The following OR1D2 variants were observed in gnomAD, a reference collection of about 807,000 sequenced individuals.
OR1D2 encodes the protein olfactory receptor family 1 subfamily D member 2, also known as olfactory receptor 1D2.
For synonymous variants in OR1D2, 157 were observed against 153.9 expected (o/e 1.02, Z -0.15); for missense variants, 357 against 376.1 (o/e 0.95, Z 0.42).
rs746378475 is a variant in OR1D2, at chr17:3,092,433, T to C, written c.564A>G (p.Ala188=). Residue 188 remains alanine (A), a synonymous_variant, in exon 2 of 2, where the codon GCA becomes GCG. Transcript: ENST00000641833. ...TGTGATTAATCTGAATGTTGGAACA[T>C]GCCATCCTCAGCAATACATACATCT... ...FCEMYVLLRM[A]CSNIQINHTV... 100 of 1,614,060 alleles carry C rather than the reference T, an allele frequency of 6.2e-5. No individual in the cohort carries two copies. The highest frequency in any genetic ancestry group is 8.3e-5 in the Non-Finnish European group (98 of 1,180,032).
intron 1 of OR1D2, among the ~76,000 whole-genome samples, chr17:3,098,515 G>T (rs1349936529): frequency 6.6e-6 from 1 of 152,062 alleles, no homozygotes; most frequent in Non-Finnish European, 1.5e-5. Context: ...CCCATCCAAG[G>T]GGCGGCAGCC....
chr17:3,099,518 T>C (rs945052071), intron 1 of OR1D2, among the ~76,000 whole-genome samples: 2 of 152,124 alleles, frequency 1.3e-5, no homozygotes. Flanking sequence ...CAAGAGTTCC[T>C]GAAGGAAGCA....
At chr17:3,099,446 A>T (rs1203618637) in intron 1 of OR1D2, among the ~76,000 whole-genome samples, 1 of 152,178 alleles carries the variant, frequency 6.6e-6, no homozygotes, top group Non-Finnish European at 1.5e-5. Context: ...AGTGAAGGAG[A>T]AATAAAATTG....
intron 1 of OR1D2, among the ~76,000 whole-genome samples, chr17:3,103,706 G>T (rs951228654): frequency 2.0e-5 from 3 of 152,152 alleles, no homozygotes; most frequent in African/African-American, 4.8e-5. Flanking sequence ...TGTTGCTGGG[G>T]TGTGAGGGGG....
Position 3,091,948 on chromosome 17 carries a change from T to C in OR1D2, c.*110A>G. On this transcript the variant is annotated 3_prime_UTR_variant, in exon 2 of 2. Transcript: ENST00000641833. ...TCACCACATATCTATATGCTGTCTCTGAGCTGGAGCCATGTCCCAATCACT... is the reference window on the plus strand; with the variant it reads ...TCACCACATATCTATATGCTGTCTCCGAGCTGGAGCCATGTCCCAATCACT... 1.2e-6 allele frequency: 1 copy of C among 816,750 alleles called. No homozygotes were observed. The allele number at this position is 816,750 out of a possible 1,614,324, so 50.6% of individuals were successfully genotyped here. A position where few individuals can be genotyped will look rare whatever the true frequency, so the allele number is the denominator to read the frequency against.
At chr17:3,099,958 T>A (rs937064015) in intron 1 of OR1D2, among the ~76,000 whole-genome samples, 2 of 152,060 alleles carry the variant, frequency 1.3e-5, no homozygotes, top group Admixed American at 1.3e-4. Flanking sequence ...GGTATAGAGA[T>A]CAATGCAACA....
At chr17:3,093,926 G>A (rs1011340720) in intron 1 of OR1D2, among the ~76,000 whole-genome samples, 3 of 152,108 alleles carry the variant, frequency 2.0e-5, no homozygotes, top group African/African-American at 7.2e-5. Flanking sequence ...ATTATAACAG[G>A]GTTTTGGAGA....
chr17:3,104,290 T>TA lies in OR1D2; in HGVS notation c.-243dup, dbSNP rs1241303389. The TA allele has an allele frequency of 1.3e-5, 2 of 152,102 alleles. No homozygotes were observed. Among genetic ancestry groups the TA allele is most frequent in the African/African-American group, 4.8e-5 (2 of 41,412 alleles). The allele number at this position is 152,102 out of a possible 1,614,324, so 9.4% of individuals were successfully genotyped here. On this transcript the variant is annotated 5_prime_UTR_variant, in exon 1 of 2. It removes the in-frame stop codon of an upstream open reading frame in the 5' UTR. Transcript: ENST00000641833. ...TTGTTGCCTGGGTCTTCAGCTTCTG[T>TA]AAAAAAGGAGACAGGATTTCAGGCT...
At position 3,091,192 on chromosome 17, in the gene OR1D2, T is replaced by G. The variant is rs557467065; in HGVS notation, c.*866A>C. 7.9e-4 allele frequency: 120 copies of G among 152,364 alleles called. No individual in the cohort carries two copies. Among genetic ancestry groups the G allele is most frequent in the African/African-American group, 2.6e-3 (109 of 41,590 alleles). 9.4% of individuals were successfully genotyped at this position (152,364 alleles called of 1,614,324 possible). A position where few individuals can be genotyped will look rare whatever the true frequency, so the allele number is the denominator to read the frequency against. ...TGGATGGTTGATAAATTAGTCTGTA[T>G]GTTGGTGGATGAGAGATACAACTGT... On this transcript the variant is annotated 3_prime_UTR_variant, in exon 2 of 2. Transcript: ENST00000641833.
intron 1 of OR1D2, among the ~76,000 whole-genome samples, chr17:3,101,017 G>C (rs1371983109): frequency 6.6e-6 from 1 of 152,132 alleles, no homozygotes; most frequent in African/African-American, 2.4e-5. Flanking sequence ...TTCTGAAATT[G>C]AGGCAGTAAT....
At chr17:3,098,983 A>C (rs2047862102) in intron 1 of OR1D2, among the ~76,000 whole-genome samples, 1 of 152,150 alleles carries the variant, frequency 6.6e-6, no homozygotes, top group Non-Finnish European at 1.5e-5. Context: ...TTAGAGAAAA[A>C]AGAATGAAAA....
rs763996843 is a variant in OR1D2, at chr17:3,092,583, A to G, written c.414T>C (p.Pro138=). 3 of 1,614,162 alleles carry G rather than the reference A, an allele frequency of 1.9e-6. No homozygotes were observed. The highest frequency in any genetic ancestry group is 2.5e-6 in the Non-Finnish European group (3 of 1,180,016). The change falls in exon 2 of 2, where the codon CCT becomes CCC. Residue 138 remains proline (P), a synonymous_variant. Transcript: ENST00000641833. ...CPLHYTTAMS[P]KLCILLLSLC... is the part of the protein sequence containing the mutation. ...AGGAAAGGAGTAAGATACAGAGCTT[A>G]GGGCTCATGGCTGTGGTGTAGTGGA...
chr17:3,098,015 C>T (rs2047855025), intron 1 of OR1D2, among the ~76,000 whole-genome samples: 1 of 152,172 alleles, frequency 6.6e-6, no homozygotes, highest in African/African-American at 2.4e-5. Context: ...GGACAGTACC[C>T]TGATCTCCCT....
rs766275528 is a variant in OR1D2 at position 3,092,261 on chromosome 17, C to T, written c.736G>A (p.Gly246Ser). The T allele has an allele frequency of 4.3e-5, 69 of 1,613,948 alleles. 1 individual carries two copies. Among genetic ancestry groups the T allele is most frequent in the Admixed American group, 1.3e-4 (8 of 59,986 alleles). ...KAFSTCASHL[G>S]AVSLFYGTLC... is the part of the protein sequence containing the mutation. ...GTCCCATAGAAGAGGGAGACTGCAC[C>T]CAAATGGGAGGCACAGGTGGAGAAG... Residue 246 changes from glycine to serine, a missense_variant, in exon 2 of 2, where the codon GGT (glycine) becomes AGT (serine). Gly to Ser is a moderately conservative substitution (Grantham distance 56, BLOSUM62 0). Coordinates refer to ENST00000641833, the MANE Select transcript of OR1D2 (RefSeq NM_002548.3).
chr17:3,095,968 T>C (rs1339150091), intron 1 of OR1D2, among the ~76,000 whole-genome samples: 1 of 152,102 alleles, frequency 6.6e-6, no homozygotes, highest in African/African-American at 2.4e-5. Flanking sequence ...ATAATAGAAT[T>C]ATATAGAAAT....
At position 3,092,112 on chromosome 17, in the gene OR1D2, G is replaced by A. The variant is rs1429117073; in HGVS notation, c.885C>T (p.Asp295=). 1.2e-6 allele frequency: 2 copies of A among 1,614,024 alleles called. No individual in the cohort carries two copies. Among genetic ancestry groups the A allele is most frequent in the African/African-American group, 1.3e-5 (1 of 75,018 alleles). The part of the protein sequence containing the change: ...NPFIYSLRNK[D]MHGALGRLLD... ...GGAGTCTTCCCAGAGCCCCATGCAT[G>A]TCCTTGTTCCTCAGGCTGTAGATGA... Residue 295 remains aspartate, a synonymous_variant, in exon 2 of 2, where the codon GAC becomes GAT. Coordinates refer to ENST00000641833, the MANE Select transcript of OR1D2 (RefSeq NM_002548.3).
intron 1 of OR1D2, among the ~76,000 whole-genome samples, chr17:3,098,141 G>A (rs934932028): frequency 6.6e-6 from 1 of 152,192 alleles, no homozygotes; most frequent in African/African-American, 2.4e-5. Flanking sequence ...GTTTCCCCTA[G>A]TGAAGCGCAC....
At chr17:3,096,601 A>G (rs943121026) in intron 1 of OR1D2, among the ~76,000 whole-genome samples, 2 of 152,342 alleles carry the variant, frequency 1.3e-5, no homozygotes, top group East Asian at 3.9e-4. Flanking sequence ...CATCTCTTAA[A>G]GAGAGTTTAA....
At chr17:3,095,097 C>T (rs371890611) in intron 1 of OR1D2, among the ~76,000 whole-genome samples, 5 of 151,906 alleles carry the variant, frequency 3.3e-5, no homozygotes, top group East Asian at 1.9e-4. Flanking sequence ...GAAAAAAAAT[C>T]CAAAGAAAGA....
Sources: allele counts gnomAD v4.1 joint callset (sites outside exome capture counted in the v4.1 genomes callset), GRCh38; gene constraint gnomAD v4.1.1; transcripts MANE v1.5; gene names NCBI Gene and HGNC (gene_info 2026-07-23, HGNC 2026-07-21).